Variants in MYLK4 observed in about 807,000 individuals in gnomAD.
The protein encoded by MYLK4 is caMLCK like.
Under a neutral mutation model 48.1 loss-of-function variants are expected in MYLK4, and 46 were observed. The observed-to-expected ratio is 0.96, with a 90% CI of 0.75 to 1.22. The LOEUF is 1.22. MYLK4 is among the 50% of genes most tolerant of loss of function. The pLI is 0.00. For synonymous variants in MYLK4, 170 were observed against 180.8 expected (o/e 0.94, Z 0.48); for missense variants, 451 against 486.1 (o/e 0.93, Z 0.68).
chr6:2,733,618 A>G (rs1309423344), intron 2 of MYLK4, among the ~76,000 whole-genome samples: 1 of 152,152 alleles, frequency 6.6e-6, no homozygotes, highest in Non-Finnish European at 1.5e-5. Context: ...AATGTTTTAA[A>G]ATTTAATACG....
intron 7 of MYLK4, 59 bp from the exon 8 acceptor site, chr6:2,680,350 C>A: frequency 6.2e-7 from 1 of 1,608,688 alleles, no homozygotes; most frequent in Non-Finnish European, 8.5e-7. Context: ...TCAAATTGTC[C>A]TTGAACCACA....
chr6:2,742,119 T>C (rs918053678), intron 2 of MYLK4, among the ~76,000 whole-genome samples: 2 of 152,246 alleles, frequency 1.3e-5, no homozygotes, highest in South Asian at 4.1e-4. Context: ...TCCATCTCTT[T>C]CACTTTGTCC....
chr6:2,684,862 C>T (rs1287629085), intron 6 of MYLK4, among the ~76,000 whole-genome samples: 3 of 152,008 alleles, frequency 2.0e-5, no homozygotes, highest in Admixed American at 6.5e-5. Flanking sequence ...AATGACTGTA[C>T]TCGGTTTCTA....
chr6:2,677,433 G>T (rs1274878377), intron 10 of MYLK4, among the ~76,000 whole-genome samples: 1 of 152,176 alleles, frequency 6.6e-6, no homozygotes, highest in Non-Finnish European at 1.5e-5. Context: ...TAAGGCAAGT[G>T]CTATTGACCC....
At chr6:2,721,054 G>A (rs942222890) in intron 2 of MYLK4, among the ~76,000 whole-genome samples, 1 of 152,080 alleles carries the variant, frequency 6.6e-6, no homozygotes, top group Admixed American at 6.6e-5. Context: ...CCAGCTACTC[G>A]GGAGGCCAAG....
chr6:2,691,120 G>A (rs1434794780), intron 3 of MYLK4, among the ~76,000 whole-genome samples: 1 of 152,084 alleles, frequency 6.6e-6, no homozygotes, highest in African/African-American at 2.4e-5. Context: ...GTGAGCCACC[G>A]CACCCAGCCA....
At chr6:2,722,268 T>C (rs1339240308) in intron 2 of MYLK4, among the ~76,000 whole-genome samples, 1 of 152,216 alleles carries the variant, frequency 6.6e-6, no homozygotes, top group Non-Finnish European at 1.5e-5. Context: ...GTATACAGTG[T>C]GGTTTAGAGT....
chr6:2,685,555 G>C lies in MYLK4; in HGVS notation c.363C>G (p.His121Gln), dbSNP rs373477505. The change falls in exon 5 of 13, where the codon CAC (histidine) becomes CAG (glutamine). Residue 121 changes from histidine (H) to glutamine (Q), a missense_variant. By Grantham distance (24) the His-to-Gln change is conservative. Transcript: ENST00000274643. The surrounding 1 kb of genome is among the most constrained non-coding windows in gnomAD (Gnocchi z 4.5). ...GACCTGTGGCCGTCTCCTCACACTTGTGAACCTGGCCGAAACGCCCTCTGC... is the reference window on the plus strand; with the variant it reads ...GACCTGTGGCCGTCTCCTCACACTTCTGAACCTGGCCGAAACGCCCTCTGC... ...ILGGGRFGQV[H>Q]KCEETATGLK... The C allele has an allele frequency of 6.2e-7, 1 of 1,614,176 alleles. No individual in the cohort carries two copies.
the MYLK4 span, chr6:2,766,080 CTCCGCGCAGCT>C: frequency 7.7e-7 from 1 of 1,299,772 alleles, no homozygotes; most frequent in Non-Finnish European, 9.7e-7. Flanking sequence ...GGGAGCGCGT[CTCCGCGCAGCT>C]GGGACGAGGC....
chr6:2,686,618 G>A lies in MYLK4; in HGVS notation c.342-1042C>T, dbSNP rs549011076. On this transcript the variant is annotated intron_variant, in intron 4 of 12. Coordinates refer to ENST00000274643, the MANE Select transcript of MYLK4 (RefSeq NM_001012418.5). Reference sequence around the variant, plus strand: ...TAGCAACACAGTGAACCCGAGGCAAGCCCTATGACAAGGCAGAGGACTTCA... The same window carrying A: ...TAGCAACACAGTGAACCCGAGGCAAACCCTATGACAAGGCAGAGGACTTCA... Among the ~76,000 whole-genome samples the A allele has an allele frequency of 3.9e-4, 59 of 152,332 alleles. 1 individual carries two copies. In the South Asian group the frequency reaches 0.012, roughly 30 times the overall value.
chr6:2,728,753 T>A (rs1561870879), intron 2 of MYLK4, among the ~76,000 whole-genome samples: 1 of 152,222 alleles, frequency 6.6e-6, no homozygotes, highest in African/African-American at 2.4e-5. Flanking sequence ...CACATTTACA[T>A]CTGCTTTGAC....
At chr6:2,730,840 C>T (rs184102205) in intron 2 of MYLK4, among the ~76,000 whole-genome samples, 14 of 152,110 alleles carry the variant, frequency 9.2e-5, no homozygotes, top group South Asian at 2.1e-4. Flanking sequence ...AGGTTGAAAG[C>T]GGGAGGTGTC....
At chr6:2,765,842 C>T in the MYLK4 span, 5 of 1,396,338 alleles carry the variant, frequency 3.6e-6, no homozygotes, top group Non-Finnish European at 3.7e-6. Flanking sequence ...GAGGCGGCGG[C>T]TGTCGGAGAG....
At chr6:2,748,081 C>A (rs540865028) in intron 2 of MYLK4, among the ~76,000 whole-genome samples, 6 of 152,182 alleles carry the variant, frequency 3.9e-5, no homozygotes, top group African/African-American at 1.4e-4. Context: ...GTTAGAAACG[C>A]CCTTCCTACC....
chr6:2,733,512 G>A (rs929160896), intron 2 of MYLK4, among the ~76,000 whole-genome samples: 3 of 152,146 alleles, frequency 2.0e-5, no homozygotes, highest in Non-Finnish European at 4.4e-5. Flanking sequence ...GGAGGTGTGC[G>A]TCATCAGCCT....
chr6:2,713,750 A>C (rs75236502), intron 2 of MYLK4, among the ~76,000 whole-genome samples: 23 of 152,384 alleles, frequency 1.5e-4, no homozygotes, highest in Non-Finnish European at 2.8e-4. Flanking sequence ...TGGTACAGCC[A>C]GTACCTTTTA....
chr6:2,704,799 A>G (rs879761245), intron 2 of MYLK4, among the ~76,000 whole-genome samples: 1 of 152,216 alleles, frequency 6.6e-6, no homozygotes, highest in Non-Finnish European at 1.5e-5. Context: ...TCCTAGCCCA[A>G]CATCAAATCA....
chr6:2,688,930 A>G lies in MYLK4; in HGVS notation c.262T>C (p.Phe88Leu). Residue 88 changes from phenylalanine to leucine, a missense_variant, in exon 4 of 13, where the codon TTT becomes CTT. Physicochemically the swap from Phe to Leu is conservative, Grantham distance 22 (BLOSUM62 0). Coordinates refer to ENST00000274643, the MANE Select transcript of MYLK4 (RefSeq NM_001012418.5). ...AVDIPAPPAP[F>L]DHRIVTAKQG... is the part of the protein sequence containing the mutation. ...TTGGCTGTCACAATACGATGATCAA[A>G]TGGGGCCGGAGGAGCCGGGATGTCA... 1 of 1,614,204 alleles carries G rather than the reference A, an allele frequency of 6.2e-7. No homozygotes were observed. Among genetic ancestry groups the G allele is most frequent in the Admixed American group, 1.7e-5 (1 of 60,022 alleles).
At chr6:2,768,952 T>C in the MYLK4 span, 4 of 1,450,518 alleles carry the variant, frequency 2.8e-6, no homozygotes, top group South Asian at 1.4e-5. Flanking sequence ...GAGATCACTA[T>C]ACAAACGCTA....
Sources: gnomAD v4.1 joint callset for allele counts (sites outside exome capture counted in the v4.1 genomes callset) on GRCh38, gnomAD v4.1.1 for gene constraint, Gnocchi (gnomAD v3.1) non-coding constraint, MANE v1.5 for transcripts, NCBI Gene and HGNC (gene_info 2026-07-23, HGNC 2026-07-21) for gene names.